POLR1C: variants seen among roughly 807,000 people sequenced by gnomAD.
POLR1C encodes the protein DNA-directed RNA polymerases I and III subunit RPAC1.
In POLR1C, 42 loss-of-function variants were observed where a neutral mutation model predicts 38.3. The observed-to-expected ratio is 1.10, with a 90% CI of 0.86 to 1.42. The LOEUF (loss-of-function observed/expected upper bound fraction) is 1.42, where lower values mean the gene tolerates loss of function less well. Among genes scored for constraint, POLR1C ranks in the 40% most tolerant of loss-of-function variants. POLR1C has a pLI of 0.00. For missense variants in POLR1C, 507 were observed against 450.5 expected (o/e 1.13, Z -1.14); for synonymous variants, 163 against 163.9 (o/e 0.99, Z 0.04).
At chr6:43,552,121 G>A (rs531877996) in intron 10 of POLR1C, among the ~76,000 whole-genome samples, 3 of 151,996 alleles carry the variant, frequency 2.0e-5, no homozygotes, top group South Asian at 2.1e-4. Flanking sequence ...GCAATGGCAC[G>A]ATCTCAGCTC....
chr6:43,547,644 T>C, intron 9 of POLR1C: 1 of 1,614,056 alleles, frequency 6.2e-7, no homozygotes, highest in Non-Finnish European at 8.5e-7. Context: ...CCTCCAGGCC[T>C]GGGTCACAGC....
At chr6:43,532,927 T>C (rs948366161), downstream of POLR1C, among the ~76,000 whole-genome samples, 3 of 152,106 alleles carry the variant, frequency 2.0e-5, no homozygotes, top group Non-Finnish European at 4.4e-5. Context: ...GGCAGAGCAC[T>C]TGAGGTCATG....
chr6:43,530,389 C>T (rs922366174), downstream of POLR1C, among the ~76,000 whole-genome samples: 5 of 152,088 alleles, frequency 3.3e-5, no homozygotes, highest in South Asian at 8.3e-4. Context: ...CCACTGCACT[C>T]CAGCCTGTGC....
chr6:43,525,693 G>T (rs919298438), downstream of POLR1C: 5 of 849,108 alleles, frequency 5.9e-6, no homozygotes, highest in African/African-American at 3.4e-5. Flanking sequence ...TTTTCCCTCG[G>T]TTTTTTCTGG....
At chr6:43,521,125 A>C in intron 8 of POLR1C, 57 bp from the exon 9 acceptor site, 4 of 1,606,454 alleles carry the variant, frequency 2.5e-6, no homozygotes, top group Non-Finnish European at 3.4e-6. Flanking sequence ...TGTGAAGTTT[A>C]TGAGTAAGTT....
exon 11 of POLR1C, chr6:43,562,184 T>G: frequency 7.3e-7 from 1 of 1,373,284 alleles, no homozygotes; most frequent in South Asian, 1.3e-5. Context: ...CATTGAAACA[T>G]AAGTTTCTAA....
chr6:43,538,912 A>T, intron 9 of POLR1C: 1 of 1,219,392 alleles, frequency 8.2e-7, no homozygotes, highest in Non-Finnish European at 1.2e-6. Flanking sequence ...CCTGATAGGG[A>T]GACTTGGTAA....
intron 9 of POLR1C, among the ~76,000 whole-genome samples, chr6:43,545,591 C>T (rs1794924510): frequency 6.6e-6 from 1 of 152,060 alleles, no homozygotes; most frequent in South Asian, 2.1e-4. Flanking sequence ...CCTGTAGTCC[C>T]AGCTACTTGG....
chr6:43,554,425 T>TG (rs1262384830), intron 10 of POLR1C, among the ~76,000 whole-genome samples: 1 of 150,820 alleles, frequency 6.6e-6, no homozygotes, highest in East Asian at 1.9e-4. Context: ...TTCTTTTCTT[T>TG]TTTTTTTTTT....
downstream of POLR1C, chr6:43,524,842 A>G (rs1328125375): frequency 3.7e-6 from 6 of 1,612,090 alleles, no homozygotes; most frequent in Non-Finnish European, 5.1e-6. Flanking sequence ...AGTGCCTCGT[A>G]TATCTGGAAG....
intron 9 of POLR1C, among the ~76,000 whole-genome samples, chr6:43,545,606 C>T (rs968636244): frequency 3.3e-5 from 5 of 152,032 alleles, no homozygotes; most frequent in Non-Finnish European, 4.4e-5. Context: ...ACTTGGGTGG[C>T]TGAGGCAGAA....
At chr6:43,556,070 A>G (rs1487690698) in intron 10 of POLR1C, 2 of 1,457,362 alleles carry the variant, frequency 1.4e-6, no homozygotes, top group East Asian at 4.6e-5. Context: ...ATTCAAAGGA[A>G]CTGTTTTGCA....
At chr6:43,539,643 TC>T in intron 9 of POLR1C, 3 of 1,312,108 alleles carry the variant, frequency 2.3e-6, no homozygotes, top group Non-Finnish European at 3.2e-6. Flanking sequence ...CCACCGCGGT[TC>T]CCCATCCCAG....
chr6:43,542,134 G>C (rs949710151), intron 9 of POLR1C, among the ~76,000 whole-genome samples: 8 of 152,062 alleles, frequency 5.3e-5, no homozygotes, highest in African/African-American at 1.9e-4. Context: ...CTCAATTCAG[G>C]CTAGTCATTT....
chr6:43,521,114 A>C, intron 8 of POLR1C, 66 bp downstream of exon 8: 1 of 1,601,036 alleles, frequency 6.2e-7, no homozygotes, highest in Non-Finnish European at 8.6e-7. Context: ...TCCAGTCTAG[A>C]TGTGAAGTTT....
At chr6:43,520,228 G>T in intron 5 of POLR1C, 43 bp downstream of exon 5, 1 of 1,613,994 alleles carries the variant, frequency 6.2e-7, no homozygotes, top group Non-Finnish European at 8.5e-7. Flanking sequence ...CCTGTGGGTA[G>T]CTGCTAGTTT....
chr6:43,517,777 G>T (rs1404732105), intron 2 of POLR1C, among the ~76,000 whole-genome samples: 8 of 152,032 alleles, frequency 5.3e-5, no homozygotes, highest in African/African-American at 1.9e-4. Flanking sequence ...ATTATGAAGG[G>T]TTTGTTTCAA....
chr6:43,524,138 G>A, downstream of POLR1C: 1 of 1,327,794 alleles, frequency 7.5e-7, no homozygotes. Context: ...GATCACCTGA[G>A]GTCAGGAGTT....
At chr6:43,517,439 C>G (rs1028056785) in intron 2 of POLR1C, 62 bp downstream of exon 2, 19 of 1,401,090 alleles carry the variant, frequency 1.4e-5, no homozygotes, top group Non-Finnish European at 1.9e-5. Flanking sequence ...GTCTGAGCAG[C>G]CTGTGTCTGT....
Sources: gnomAD v4.1 joint callset for allele counts (sites outside exome capture counted in the v4.1 genomes callset) on GRCh38, gnomAD v4.1.1 for gene constraint, MANE v1.5 for transcripts, NCBI Gene and HGNC (gene_info 2026-07-23, HGNC 2026-07-21) for gene names.